Variants in LPP observed in about 807,000 individuals in gnomAD.
LPP encodes the protein lipoma-preferred partner.
LPP carries 38 observed loss-of-function variants against 60.4 expected under a neutral mutation model. The ratio of observed to expected loss-of-function variants is 0.63; its 90% CI spans 0.49 to 0.83. The LOEUF is 0.83. Among genes scored for constraint, LPP ranks in the 40% least tolerant of loss-of-function variants. The probability of loss-of-function intolerance (pLI) is 0.00; values close to 1 mark genes in which losing one functional copy is unlikely to be tolerated. For missense variants in LPP, 902 were observed against 783.6 expected, an observed-to-expected ratio of 1.15 and a Z score of -1.80; for synonymous variants, 328 against 290.8, an observed-to-expected ratio of 1.13 and a Z score of -1.30.
intron 4 of LPP, among the ~76,000 whole-genome samples, chr3:188,478,573 G>T (rs1022079333): frequency 1.3e-5 from 2 of 152,088 alleles, no homozygotes; most frequent in Non-Finnish European, 1.5e-5. Context: ...CTGTGAAGTA[G>T]CTGTGGTTTT....
chr3:188,695,765 A>G (rs1863113714), intron 7 of LPP, among the ~76,000 whole-genome samples: 1 of 152,248 alleles, frequency 6.6e-6, no homozygotes, highest in Non-Finnish European at 1.5e-5. Context: ...CTGAAAGTAA[A>G]AAAGGCCACA....
chr3:188,288,830 C>CT (rs1202412359), intron 2 of LPP, among the ~76,000 whole-genome samples: 5 of 66,018 alleles, frequency 7.6e-5, no homozygotes, highest in Non-Finnish European at 9.0e-5. Flanking sequence ...CCCCCACCCC[C>CT]ACCCCCCCGC....
chr3:188,183,070 G>A lies in LPP; in HGVS notation c.-190+28818G>A, dbSNP rs545704734. ...AATAGCAAGGCCAGACCTAGATTTT[G>A]TACTATCTGCCTGAGGACACACTTC... On this transcript the variant is annotated intron_variant, in intron 1 of 11. Coordinates refer to ENST00000617246, the MANE Select transcript of LPP (RefSeq NM_001375462.1). Among the ~76,000 whole-genome samples the A allele has an allele frequency of 3.9e-5, 6 of 152,264 alleles. No homozygotes were observed. The East Asian group carries it at 1.2e-3, about 29-fold the overall frequency.
intron 6 of LPP, among the ~76,000 whole-genome samples, chr3:188,548,991 G>A (rs1188560721): frequency 6.6e-6 from 1 of 152,122 alleles, no homozygotes; most frequent in Non-Finnish European, 1.5e-5. Context: ...GTGTGATGTA[G>A]TTTCAAATAA....
At chr3:188,636,959 C>A (rs1848949604) in intron 7 of LPP, among the ~76,000 whole-genome samples, 1 of 142,912 alleles carries the variant, frequency 7.0e-6, no homozygotes, top group Non-Finnish European at 1.5e-5. Flanking sequence ...ATCAACGAGA[C>A]AGAAAGTCAA....
At chr3:188,615,084 T>G (rs1844596897) in intron 7 of LPP, among the ~76,000 whole-genome samples, 1 of 152,208 alleles carries the variant, frequency 6.6e-6, no homozygotes, top group Non-Finnish European at 1.5e-5. Context: ...ACATCCTACA[T>G]GTAATACCAG....
chr3:188,424,333 T>C (rs1411073131), intron 4 of LPP, among the ~76,000 whole-genome samples: 1 of 152,196 alleles, frequency 6.6e-6, no homozygotes, highest in African/African-American at 2.4e-5. Flanking sequence ...TTGGTACCAG[T>C]ACCATGCTGT....
intron 3 of LPP, among the ~76,000 whole-genome samples, chr3:188,389,518 G>A (rs1262006798): frequency 1.3e-5 from 2 of 152,164 alleles, no homozygotes; most frequent in East Asian, 3.9e-4. Context: ...GCTCACGTCT[G>A]TAATCCCAGC....
At position 188,262,615 on chromosome 3, in the gene LPP, CT is replaced by C. The variant is rs772167816; in HGVS notation, c.-67+37089del. ...TGCACTTGTATATTTTTGACACCCC[CT>C]CATCTCTCTCTCTCTCTTGTCTCTC... On this transcript the variant is annotated intron_variant, in intron 2 of 11. Transcript: ENST00000617246. 9.2e-5 allele frequency among the ~76,000 whole-genome samples: 14 copies of C among 151,842 alleles called. No homozygotes were observed. In the Middle Eastern group the frequency reaches 0.01, roughly 111 times the overall value.
chr3:188,239,738 A>C (rs796072009), intron 2 of LPP: 1 of 217,776 alleles, frequency 4.6e-6, no homozygotes, highest in African/African-American at 2.2e-5. Flanking sequence ...CAAATAAACA[A>C]GCACAAATTA....
chr3:188,360,918 T>G (rs1375255838), intron 3 of LPP, among the ~76,000 whole-genome samples: 1 of 152,170 alleles, frequency 6.6e-6, no homozygotes, highest in Non-Finnish European at 1.5e-5. Flanking sequence ...ATGAAAAAGG[T>G]CAAATGAGAT....
chr3:188,552,480 T>C (rs1037771334), intron 6 of LPP, among the ~76,000 whole-genome samples: 1 of 152,170 alleles, frequency 6.6e-6, no homozygotes, highest in Non-Finnish European at 1.5e-5. Flanking sequence ...TACCACGAAA[T>C]TGGTGTCTTA....
At position 188,471,447 on chromosome 3, in the gene LPP, G is replaced by A. The variant is rs570830632; in HGVS notation, c.194-13145G>A. On this transcript the variant is annotated intron_variant, in intron 4 of 11. Coordinates refer to ENST00000617246, the MANE Select transcript of LPP (RefSeq NM_001375462.1). ...GTATTTTGGTGGCAAAGGAGATGCA[G>A]AGCAGTAAATGAATTAGAAAAATTT... 3.9e-5 allele frequency among the ~76,000 whole-genome samples: 6 copies of A among 152,340 alleles called. 1 individual carries two copies. The highest frequency in any genetic ancestry group is 3.3e-4 in the Admixed American group (5 of 15,304).
chr3:188,380,472 C>A (rs13327457), intron 3 of LPP, among the ~76,000 whole-genome samples: 4,223 of 152,272 alleles, frequency 0.028, 73 homozygotes, highest in Middle Eastern at 0.054. Flanking sequence ...GGACTCATGG[C>A]CTTGAGTATG....
At chr3:188,155,058 T>C (rs1346590763) in intron 1 of LPP, among the ~76,000 whole-genome samples, 1 of 151,702 alleles carries the variant, frequency 6.6e-6, no homozygotes, top group African/African-American at 2.4e-5. Context: ...GTGTGGGAAA[T>C]GGAGATGAAA....
intron 7 of LPP, among the ~76,000 whole-genome samples, chr3:188,626,466 G>A (rs1846862595): frequency 6.6e-6 from 1 of 152,096 alleles, no homozygotes; most frequent in Admixed American, 6.6e-5. Context: ...GATATGAAGG[G>A]ACAACTGTAC....
At chr3:188,734,773 A>G (rs1721909484) in intron 8 of LPP, among the ~76,000 whole-genome samples, 1 of 152,242 alleles carries the variant, frequency 6.6e-6, no homozygotes. Flanking sequence ...GAAGATTGTC[A>G]TCCATCCCAA....
chr3:188,782,590 G>A (rs527583559), intron 9 of LPP, among the ~76,000 whole-genome samples: 15 of 152,094 alleles, frequency 9.9e-5, no homozygotes, highest in Non-Finnish European at 1.6e-4. Context: ...TTACCCTGAA[G>A]ATACCTGTCA....
At chr3:188,630,218 A>G (rs1252114391) in intron 7 of LPP, among the ~76,000 whole-genome samples, 1 of 152,152 alleles carries the variant, frequency 6.6e-6, no homozygotes, top group Non-Finnish European at 1.5e-5. Context: ...TTTGCAAACT[A>G]TGCATCTGAC....
Sources: allele counts gnomAD v4.1 joint callset (sites outside exome capture counted in the v4.1 genomes callset), GRCh38; gene constraint gnomAD v4.1.1; transcripts MANE v1.5; gene names NCBI Gene and HGNC (gene_info 2026-07-23, HGNC 2026-07-21).